Variants in COL9A1 observed in about 807,000 individuals in gnomAD.
COL9A1 encodes the protein collagen alpha-1(IX) chain.
COL9A1 carries 104 observed loss-of-function variants against 142.6 expected under a neutral mutation model. The ratio of observed to expected loss-of-function variants is 0.73; its 90% CI spans 0.62 to 0.86. The LOEUF (loss-of-function observed/expected upper bound fraction) is 0.86. Among genes scored for constraint, COL9A1 ranks in the 40% least tolerant of loss-of-function variants. The probability of loss-of-function intolerance (pLI) is 0.00; values close to 1 mark genes in which losing one functional copy is unlikely to be tolerated. For missense variants in COL9A1, 1,210 were observed against 1,176.6 expected (o/e 1.03, Z -0.42); for synonymous variants, 466 against 396.0 (o/e 1.18, Z -2.10).
chr6:70,280,305 C>A, intron 10 of COL9A1: 1 of 1,219,040 alleles, frequency 8.2e-7, no homozygotes. Context: ...TCAAGTGCAT[C>A]TTTCTTTTTC....
At chr6:70,293,238 A>T (rs1773720066) in intron 5 of COL9A1, among the ~76,000 whole-genome samples, 1 of 152,220 alleles carries the variant, frequency 6.6e-6, no homozygotes, top group African/African-American at 2.4e-5. Flanking sequence ...TTATTTGTTG[A>T]GCTCTAAATT....
At position 70,225,946 on chromosome 6, in the gene COL9A1, G is replaced by C; in HGVS notation, c.2567C>G (p.Ala856Gly). The stretch of plus-strand genomic sequence containing the variant: ...AACACACTTACCTGGGAGACCTATA[G>C]CTCCAGGCAAACCGTTGGGACCTCT... ...PGRGPNGLPG[A>G]IGLPGDPGPA... Residue 856 changes from alanine (A) to glycine (G), a missense_variant, in exon 37 of 38, where the codon GCT (alanine) becomes GGT (glycine). Ala to Gly is a moderately conservative substitution (Grantham distance 60, BLOSUM62 0). Transcript: ENST00000357250. 6.2e-7 allele frequency: 1 copy of C among 1,613,878 alleles called. No homozygotes were observed. Among genetic ancestry groups the C allele is most frequent in the Non-Finnish European group, 8.5e-7 (1 of 1,179,902 alleles).
intron 28 of COL9A1, among the ~76,000 whole-genome samples, chr6:70,249,425 C>T (rs1022125204): frequency 2.6e-5 from 4 of 152,032 alleles, no homozygotes; most frequent in African/African-American, 9.7e-5. Context: ...CAAGTTGCAG[C>T]AATATCCTTT....
At chr6:70,232,558 G>A (rs1185591872) in intron 36 of COL9A1, 25 bp downstream of exon 36, 1 of 1,612,206 alleles carries the variant, frequency 6.2e-7, no homozygotes, top group Non-Finnish European at 8.5e-7. Context: ...GTGTTCTTTG[G>A]TTCCACATGG....
Position 70,240,674 on chromosome 6 carries a change from A to C in COL9A1, c.2079+15T>G, listed in dbSNP as rs1352320378. The C allele has an allele frequency of 6.2e-7, 1 of 1,607,276 alleles. No homozygotes were observed. The highest frequency in any genetic ancestry group is 1.7e-5 in the Admixed American group (1 of 59,774). The stretch of plus-strand genomic sequence containing the variant: ...TGGTAAAGCTTCATCATTAACCAGA[A>C]AAAAAAAATCTTACAAGTTCCCCCC... On this transcript the variant is annotated intron_variant, in intron 32 of 37. Transcript: ENST00000357250.
In COL9A1 at chr6:70,263,312, G is replaced by A. The variant is rs200223246; in HGVS notation, c.1342-15C>T. The stretch of plus-strand genomic sequence containing the variant: ...CCTTCTTCACCCTAAAGAAAAAAAA[G>A]AAAAAAGAAAAGCACACCAAATGTT... On this transcript the variant is annotated splice_polypyrimidine_tract_variant and intron_variant, in intron 18 of 37. Transcript: ENST00000357250. 1.1e-5 allele frequency: 18 copies of A among 1,603,370 alleles called. No individual in the cohort carries two copies. The highest frequency in any genetic ancestry group is 1.4e-5 in the Non-Finnish European group (17 of 1,174,636).
At position 70,217,073 on chromosome 6, in the gene COL9A1, C is replaced by T. The variant is rs745421286; in HGVS notation, c.2590G>A (p.Gly864Ser). Residue 864 changes from glycine to serine, a missense_variant, in exon 38 of 38, where the codon GGC becomes AGC. Transcript: ENST00000357250. ...CCATTTCTGCCATAGCTGGCAGGGCCTGGGTCACCTGAAACACACAGAAGA... is the reference window on the plus strand; with the variant it reads ...CCATTTCTGCCATAGCTGGCAGGGCTTGGGTCACCTGAAACACACAGAAGA... ...PGAIGLPGDP[G>S]PASYGRNGRD... The T allele has an allele frequency of 1.2e-5, 20 of 1,613,894 alleles. No homozygotes were observed. The highest frequency in any genetic ancestry group is 1.6e-4 in the Middle Eastern group (1 of 6,082).
At chr6:70,277,345 A>C (rs1321473545) in intron 10 of COL9A1, among the ~76,000 whole-genome samples, 1 of 148,988 alleles carries the variant, frequency 6.7e-6, no homozygotes, top group Non-Finnish European at 1.5e-5. Flanking sequence ...CCATAAGCCA[A>C]AAAAAAAAAA....
intron 2 of COL9A1, among the ~76,000 whole-genome samples, chr6:70,300,835 A>G (rs980890783): frequency 6.6e-6 from 1 of 152,182 alleles, no homozygotes; most frequent in Non-Finnish European, 1.5e-5. Context: ...AACACCACAA[A>G]TTTTAGGATT....
intron 32 of COL9A1, 44 bp downstream of exon 32, chr6:70,240,645 A>C (rs772817692): frequency 6.1e-6 from 9 of 1,474,380 alleles, no homozygotes; most frequent in African/African-American, 1.4e-5. Context: ...TAACAGTTCA[A>C]AATTGGTAAA....
chr6:70,221,014 A>C (rs1368506692), intron 37 of COL9A1, among the ~76,000 whole-genome samples: 2 of 152,240 alleles, frequency 1.3e-5, no homozygotes, highest in African/African-American at 2.4e-5. Flanking sequence ...ATTTCTATTG[A>C]AACATTACTA....
chr6:70,294,698 G>A (rs1773789106), intron 4 of COL9A1, 135 bp from the exon 5 acceptor site: 1 of 785,886 alleles, frequency 1.3e-6, no homozygotes, highest in Non-Finnish European at 2.1e-6. Flanking sequence ...TGTACCGTTT[G>A]TTCTTTCATG....
intron 10 of COL9A1, among the ~76,000 whole-genome samples, chr6:70,278,772 G>A (rs1040311819): frequency 2.0e-5 from 3 of 152,130 alleles, no homozygotes; most frequent in Non-Finnish European, 4.4e-5. Context: ...ACTTGAAATT[G>A]CTTTCTATGT....
chr6:70,238,234 T>C (rs1770035639), intron 33 of COL9A1, among the ~76,000 whole-genome samples: 1 of 152,174 alleles, frequency 6.6e-6, no homozygotes, highest in African/African-American at 2.4e-5. Flanking sequence ...CAGGAAGGAC[T>C]TGGAAACTTA....
At chr6:70,242,516 A>T in intron 29 of COL9A1, 146 bp downstream of exon 29, 1 of 791,364 alleles carries the variant, frequency 1.3e-6, no homozygotes. Context: ...ATAATTTGAA[A>T]TTTCCCCTTT....
intron 28 of COL9A1, among the ~76,000 whole-genome samples, chr6:70,250,050 C>T (rs746419486): frequency 6.6e-6 from 1 of 152,132 alleles, no homozygotes; most frequent in Non-Finnish European, 1.5e-5. Flanking sequence ...CTCCTGAGCT[C>T]AGGAGATTGA....
intron 10 of COL9A1, chr6:70,279,730 A>T (rs184927924): frequency 2.8e-6 from 1 of 354,832 alleles, no homozygotes; most frequent in Non-Finnish European, 5.1e-6. Flanking sequence ...CACATTCATT[A>T]TGGGAATCCC....
At chr6:70,232,013 A>T (rs1243722193) in intron 36 of COL9A1, among the ~76,000 whole-genome samples, 1 of 152,202 alleles carries the variant, frequency 6.6e-6, no homozygotes, top group African/African-American at 2.4e-5. Flanking sequence ...AAAGTGGAAG[A>T]AACAAGCTAT....
intron 5 of COL9A1, among the ~76,000 whole-genome samples, chr6:70,289,435 T>G (rs1252232198): frequency 1.3e-5 from 2 of 152,170 alleles, no homozygotes; most frequent in South Asian, 4.1e-4. Flanking sequence ...AATCATGGCT[T>G]CTGCTGTGTC....
Sources: gnomAD v4.1 joint callset for allele counts (sites outside exome capture counted in the v4.1 genomes callset) on GRCh38, gnomAD v4.1.1 for gene constraint, MANE v1.5 for transcripts, NCBI Gene and HGNC (gene_info 2026-07-23, HGNC 2026-07-21) for gene names.